The following ABLIM2 variants were observed in gnomAD, a reference collection of about 807,000 sequenced individuals.
ABLIM2 encodes actin binding LIM protein family member 2.
A neutral mutation model predicts 97.7 loss-of-function variants in ABLIM2; 53 were observed. The observed-to-expected ratio is 0.54, with a 90% CI of 0.44 to 0.68. ABLIM2 has a LOEUF of 0.68. ABLIM2 is among the 30% of genes least tolerant of loss of function. ABLIM2 has a pLI of 0.00. For synonymous variants in ABLIM2, 361 were observed against 345.8 expected, an observed-to-expected ratio of 1.04 and a Z score of -0.49; for missense variants, 835 against 867.2, an observed-to-expected ratio of 0.96 and a Z score of 0.47.
At chr4:7,995,824 C>T (rs2150057644) in intron 16 of ABLIM2, among the ~76,000 whole-genome samples, 1 of 152,276 alleles carries the variant, frequency 6.6e-6, no homozygotes, top group East Asian at 1.9e-4. Flanking sequence ...GGGGCCAGAC[C>T]TTCGGGCTAT....
At chr4:8,017,348 G>A (rs181566125) in intron 14 of ABLIM2, among the ~76,000 whole-genome samples, 197 of 151,152 alleles carry the variant, frequency 1.3e-3, no homozygotes, top group African/African-American at 4.0e-3. Context: ...AGGCAGTGGC[G>A]CAATCCCGGC....
chr4:8,127,113 T>A lies in ABLIM2; in HGVS notation c.11-20476A>T, dbSNP rs1382354272. ...CTGCAGACATTGCCACATGTCCCCC[T>A]GGGAGCACAGGAGCACAGCTGCCTG... On this transcript the variant is annotated intron_variant, in intron 1 of 20. Coordinates refer to ENST00000447017, the MANE Select transcript of ABLIM2 (RefSeq NM_001130083.2). The surrounding 1 kb of genome is among the most constrained non-coding windows in gnomAD (Gnocchi z 7.3). 6.7e-6 allele frequency among the ~76,000 whole-genome samples: 1 copy of A among 150,302 alleles called. No homozygotes were observed. The highest frequency in any genetic ancestry group is 2.4e-5 in the African/African-American group (1 of 40,852).
In ABLIM2 at chr4:8,155,899, C is replaced by G. The variant is rs754229842; in HGVS notation, c.10+2781G>C. Among the ~76,000 whole-genome samples the G allele has an allele frequency of 1.3e-5, 2 of 152,142 alleles. No individual in the cohort carries two copies. Among genetic ancestry groups the G allele is most frequent in the Non-Finnish European group, 2.9e-5 (2 of 68,028 alleles). ...GACACAGGGAGAGGGCGGCCGTCCA[C>G]AAGCCAAGGAGAGGGGCTTTGGAAG... On this transcript the variant is annotated intron_variant, in intron 1 of 20. Coordinates refer to ENST00000447017, the MANE Select transcript of ABLIM2 (RefSeq NM_001130083.2). The surrounding 1 kb of genome is among the most constrained non-coding windows in gnomAD (Gnocchi z 4.2).
chr4:8,079,044 T>C (rs1818072953), intron 5 of ABLIM2, among the ~76,000 whole-genome samples: 1 of 152,258 alleles, frequency 6.6e-6, no homozygotes, highest in African/African-American at 2.4e-5. Flanking sequence ...TCCGGGCTGT[T>C]GCTAGGTCCC....
intron 1 of ABLIM2, among the ~76,000 whole-genome samples, chr4:8,133,018 G>A (rs1849645619): frequency 6.6e-6 from 1 of 152,182 alleles, no homozygotes; most frequent in Non-Finnish European, 1.5e-5. Context: ...CAGGGGTTGT[G>A]AGGACAACGC....
intron 16 of ABLIM2, among the ~76,000 whole-genome samples, chr4:7,993,421 T>C (rs1205675407): frequency 6.6e-6 from 1 of 152,246 alleles, no homozygotes; most frequent in East Asian, 1.9e-4. Flanking sequence ...TGTTGGCTCA[T>C]GCCTGTAATC....
At chr4:8,111,137 T>A (rs923410934) in intron 1 of ABLIM2, among the ~76,000 whole-genome samples, 14 of 152,130 alleles carry the variant, frequency 9.2e-5, no homozygotes, top group African/African-American at 3.4e-4. Context: ...CTGGGGTGTA[T>A]CCAGACGATG....
Position 8,008,138 on chromosome 4 carries a change from C to G in ABLIM2, c.1539G>C (p.Leu513=). 2 of 1,614,038 alleles carry G rather than the reference C, an allele frequency of 1.2e-6. No individual in the cohort carries two copies. Among genetic ancestry groups the G allele is most frequent in the Non-Finnish European group, 1.7e-6 (2 of 1,179,904 alleles). Reference sequence around the variant, plus strand: ...TGCTGTGGGACAAGGACTGGGTGTCCAGGTCTGGAGAATTGGTCCTTGTGT... The same window carrying G: ...TGCTGTGGGACAAGGACTGGGTGTCGAGGTCTGGAGAATTGGTCCTTGTGT... ...DADTRTNSPD[L]DTQSLSHSSG... The change falls in exon 16 of 21, where the codon CTG becomes CTC. Residue 513 remains leucine, a synonymous_variant. Coordinates refer to ENST00000447017, the MANE Select transcript of ABLIM2 (RefSeq NM_001130083.2).
intron 14 of ABLIM2, among the ~76,000 whole-genome samples, chr4:8,009,831 G>T (rs1366469419): frequency 6.6e-6 from 1 of 152,310 alleles, no homozygotes; most frequent in East Asian, 1.9e-4. Context: ...CCCGCAGGAA[G>T]AAGCTTTGCA....
chr4:8,016,835 G>T (rs189073264), intron 14 of ABLIM2, among the ~76,000 whole-genome samples: 1 of 152,164 alleles, frequency 6.6e-6, no homozygotes, highest in Non-Finnish European at 1.5e-5. Context: ...AGCCTCTGCC[G>T]CCGATGAACT....
At chr4:8,102,431 T>A (rs576509295) in intron 2 of ABLIM2, among the ~76,000 whole-genome samples, 2 of 152,216 alleles carry the variant, frequency 1.3e-5, no homozygotes, top group Non-Finnish European at 2.9e-5. Flanking sequence ...TTATTATCTG[T>A]CTCCTTGCAT....
chr4:8,045,528 A>T (rs1579653023), intron 8 of ABLIM2, among the ~76,000 whole-genome samples: 1 of 152,200 alleles, frequency 6.6e-6, no homozygotes, highest in African/African-American at 2.4e-5. Flanking sequence ...GGGCACCTGT[A>T]ATCCCAGCTA....
intron 20 of ABLIM2, among the ~76,000 whole-genome samples, chr4:7,968,134 G>C (rs960683112): frequency 1.3e-5 from 2 of 152,258 alleles, no homozygotes; most frequent in African/African-American, 2.4e-5. Flanking sequence ...CCCTCGCCTC[G>C]CCTGGGCGGG....
At chr4:8,030,118 C>T (rs1779947323) in intron 10 of ABLIM2, among the ~76,000 whole-genome samples, 1 of 152,196 alleles carries the variant, frequency 6.6e-6, no homozygotes, top group South Asian at 2.1e-4. Flanking sequence ...GCGCCCAGCT[C>T]TTAGAACACA....
intron 20 of ABLIM2, among the ~76,000 whole-genome samples, chr4:7,979,292 T>C (rs1178644904): frequency 6.6e-6 from 1 of 152,238 alleles, no homozygotes; most frequent in African/African-American, 2.4e-5. Flanking sequence ...CGGCACACCC[T>C]GGAGGACTGA....
Position 8,083,423 on chromosome 4 carries a change from T to C in ABLIM2, c.455-2621A>G, listed in dbSNP as rs1215562415. On this transcript the variant is annotated intron_variant, in intron 4 of 20. Transcript: ENST00000447017. The surrounding 1 kb of genome is among the most constrained non-coding windows in gnomAD (Gnocchi z 4.6). ...CCCCTCACGGGTGGCCTGCTCCCTC[T>C]GTGATGCCTTTATGGGCATCTCCGC... Among the ~76,000 whole-genome samples, 5 of 152,208 alleles carry C rather than the reference T, an allele frequency of 3.3e-5. No individual in the cohort carries two copies. Among genetic ancestry groups the C allele is most frequent in the Non-Finnish European group, 5.9e-5 (4 of 68,036 alleles).
chr4:8,057,025 G>T (rs189526588), intron 7 of ABLIM2, among the ~76,000 whole-genome samples: 1 of 149,270 alleles, frequency 6.7e-6, no homozygotes, highest in Non-Finnish European at 1.5e-5. Flanking sequence ...TATACAATGT[G>T]GACAGATAAG....
At position 7,970,451 on chromosome 4, in the gene ABLIM2, G is replaced by A. The variant is rs1726885732; in HGVS notation, c.1825-3348C>T. On this transcript the variant is annotated intron_variant, in intron 20 of 20. Transcript: ENST00000447017. The surrounding 1 kb of genome is among the most constrained non-coding windows in gnomAD (Gnocchi z 5.3). ...GGTCTCTTGGGTTTAGCTGGCATCA[G>A]GTCTTTGCTGGAGGAGGGAGGAGTG... 6.6e-6 allele frequency among the ~76,000 whole-genome samples: 1 copy of A among 152,120 alleles called. No individual in the cohort carries two copies. The highest frequency in any genetic ancestry group is 2.4e-5 in the African/African-American group (1 of 41,442).
chr4:8,107,811 G>A (rs982306886), intron 1 of ABLIM2, among the ~76,000 whole-genome samples: 16 of 152,166 alleles, frequency 1.1e-4, no homozygotes, highest in Admixed American at 9.8e-4. Flanking sequence ...TGATGTGATC[G>A]TCTAGCTGAG....
Sources: gnomAD v4.1 joint callset for allele counts (sites outside exome capture counted in the v4.1 genomes callset) on GRCh38, gnomAD v4.1.1 for gene constraint, Gnocchi (gnomAD v3.1) non-coding constraint, MANE v1.5 for transcripts, NCBI Gene and HGNC (gene_info 2026-07-23, HGNC 2026-07-21) for gene names.